Variants in CPAMD8 observed in about 807,000 individuals in gnomAD.
CPAMD8 encodes C3 and PZP like alpha-2-macroglobulin domain containing 8, also known as C3 and PZP-like alpha-2-macroglobulin domain-containing protein 8.
CPAMD8 carries 146 observed loss-of-function variants against 224.7 expected under a neutral mutation model. The observed-to-expected ratio is 0.65, with a 90% CI of 0.57 to 0.75. The LOEUF (loss-of-function observed/expected upper bound fraction) is 0.75, where lower values mean the gene tolerates loss of function less well. Among genes scored for constraint, CPAMD8 ranks in the 30% least tolerant of loss-of-function variants. The probability of loss-of-function intolerance (pLI) is 0.00; values close to 1 mark genes in which losing one functional copy is unlikely to be tolerated. For synonymous variants in CPAMD8, 966 were observed against 1,044.6 expected, an observed-to-expected ratio of 0.92 and a Z score of 1.45; for missense variants, 2,301 against 2,537.5, an observed-to-expected ratio of 0.91 and a Z score of 2.00.
chr19:16,932,685 A>G (rs771607274), intron 23 of CPAMD8, among the ~76,000 whole-genome samples: 10 of 152,218 alleles, frequency 6.6e-5, no homozygotes, highest in African/African-American at 1.2e-4. Context: ...CAAAGCCAAC[A>G]TGACAAATGG....
chr19:16,907,127 G>A lies in CPAMD8; in HGVS notation c.3862-10C>T, dbSNP rs773582531. ...TGGAGCCTCTCTCCTCCTGCAGGGT[G>A]GGGTGGGAAGGTGAAACCTGGGAGG... On this transcript the variant is annotated splice_polypyrimidine_tract_variant and intron_variant, in intron 29 of 41. Coordinates refer to ENST00000443236, the MANE Select transcript of CPAMD8 (RefSeq NM_015692.5). The A allele has an allele frequency of 9.1e-6, 14 of 1,535,440 alleles. No homozygotes were observed. Among genetic ancestry groups the A allele is most frequent in the South Asian group, 1.3e-5 (1 of 77,338 alleles).
intron 3 of CPAMD8, among the ~76,000 whole-genome samples, chr19:17,013,142 T>C (rs1189723289): frequency 2.0e-5 from 3 of 150,804 alleles, no homozygotes; most frequent in African/African-American, 4.9e-5. Flanking sequence ...GATCGCAACA[T>C]TGCACTCCAA....
rs1425635693 is a variant in CPAMD8 at position 16,897,992 on chromosome 19, G to T, written c.4851C>A (p.Ile1617=). 2 of 1,609,088 alleles carry T rather than the reference G, an allele frequency of 1.2e-6. No homozygotes were observed. Among genetic ancestry groups the T allele is most frequent in the East Asian group, 2.2e-5 (1 of 44,724 alleles). Reference sequence around the variant, plus strand: ...GCACGCACGTCAGGCACCGGCTGGGGATCTGTGGGGCAGCGGCGGGCGCAG... The same window carrying T: ...GCACGCACGTCAGGCACCGGCTGGGTATCTGTGGGGCAGCGGCGGGCGCAG... ...GRRVLFYFDE[I]PSRCLTCVRF... Residue 1617 remains isoleucine, a splice_region_variant and synonymous_variant, in exon 38 of 42, where the codon ATC becomes ATA. Transcript: ENST00000443236.
At chr19:16,955,459 T>C (rs952614593) in intron 19 of CPAMD8, among the ~76,000 whole-genome samples, 3 of 152,124 alleles carry the variant, frequency 2.0e-5, no homozygotes, top group Non-Finnish European at 4.4e-5. Context: ...AAAGGGTTGT[T>C]ACCAAAGGCT....
At chr19:16,961,253 T>C (rs113256239) in intron 18 of CPAMD8, among the ~76,000 whole-genome samples, 5,406 of 152,298 alleles carry the variant, frequency 0.035, 163 homozygotes, top group African/African-American at 0.081. Flanking sequence ...GGATTTCCCT[T>C]TCCTAGCCAA....
At chr19:16,955,156 A>G (rs780454316) in intron 19 of CPAMD8, among the ~76,000 whole-genome samples, 1 of 152,060 alleles carries the variant, frequency 6.6e-6, no homozygotes, top group Non-Finnish European at 1.5e-5. Flanking sequence ...ATAGCTGGGC[A>G]TGGTGGCGCA....
chr19:16,932,534 A>G (rs574816865), intron 23 of CPAMD8, among the ~76,000 whole-genome samples: 2 of 151,872 alleles, frequency 1.3e-5, no homozygotes, highest in South Asian at 2.1e-4. Flanking sequence ...ACAAATTCTG[A>G]AACTGAAGAA....
chr19:17,009,314 C>T lies in CPAMD8; in HGVS notation c.493G>A (p.Ala165Thr). 6.2e-7 allele frequency: 1 copy of T among 1,614,138 alleles called. No individual in the cohort carries two copies. The highest frequency in any genetic ancestry group is 1.1e-5 in the South Asian group (1 of 91,086). ...CAGAGGCCACTCACCAGGATGTAGG[C>T]TTCCAGCTGTAATGAAGACACAGAT... is the stretch of plus-strand genomic sequence containing the variant. ...NLRPVNEKLE[A>T]YILDPRGSRM... Residue 165 changes from alanine to threonine, a missense_variant, in exon 6 of 42, where the codon GCC becomes ACC. Physicochemically the swap from Ala to Thr is moderately conservative, Grantham distance 58 (BLOSUM62 0). This residue lies in a region of CPAMD8 where 283 missense variants were observed against 340.6 expected (regional missense o/e 0.83). Coordinates refer to ENST00000443236, the MANE Select transcript of CPAMD8 (RefSeq NM_015692.5).
chr19:16,987,052 G>A (rs1203773329), intron 13 of CPAMD8, among the ~76,000 whole-genome samples: 4 of 148,916 alleles, frequency 2.7e-5, no homozygotes, highest in East Asian at 2.0e-4. Flanking sequence ...CCAGCTACTC[G>A]GGAGGCTGAG....
intron 19 of CPAMD8, among the ~76,000 whole-genome samples, chr19:16,953,753 A>AAT (rs372800116): frequency 1.1e-3 from 162 of 152,228 alleles, no homozygotes; most frequent in African/African-American, 3.8e-3. Context: ...TAATATCCAG[A>AAT]ATATATAGAG....
At chr19:16,920,406 G>A (rs942036382) in intron 27 of CPAMD8, among the ~76,000 whole-genome samples, 22 of 152,324 alleles carry the variant, frequency 1.4e-4, no homozygotes, top group African/African-American at 5.1e-4. Flanking sequence ...CGTGAACCCA[G>A]GGGGCGGAGC....
intron 18 of CPAMD8, among the ~76,000 whole-genome samples, chr19:16,969,576 G>C (rs188027106): frequency 0.014 from 2,003 of 145,334 alleles, 21 homozygotes; most frequent in Non-Finnish European, 0.022. Context: ...ATGGGATTAG[G>C]GCCCTTATAA....
In CPAMD8 at chr19:16,904,517, C is replaced by T. The variant is rs755070021; in HGVS notation, c.4063G>A (p.Asp1355Asn). 1.9e-6 allele frequency: 3 copies of T among 1,613,974 alleles called. No individual in the cohort carries two copies. The highest frequency in any genetic ancestry group is 2.5e-6 in the Non-Finnish European group (3 of 1,179,964). The change falls in exon 31 of 42, where the codon GAC (aspartate) becomes AAC (asparagine). Residue 1355 changes from aspartate to asparagine, a missense_variant. Around this residue, in one of 4 missense-constraint regions of CPAMD8, gnomAD observed 1,709 missense variants for 1,753.2 expected, o/e 0.97. Coordinates refer to ENST00000443236, the MANE Select transcript of CPAMD8 (RefSeq NM_015692.5). ...CTCAAGAATGTGCCCTTGTCCACGT[C>T]CCAGGAATTTGACAGGCTCCAGTGG... ...VTHWSLSNSW[D>N]VDKGTFLSFS...
In CPAMD8 at chr19:17,007,411, A is replaced by C. The variant is rs139203781; in HGVS notation, c.559+1094T>G. ...AGAAGAAGGAGGAAGGAGGAAGAAG[A>C]AGCAGGAGGAGAGGGGGAGGAGGAG... is the stretch of plus-strand genomic sequence containing the variant. On this transcript the variant is annotated intron_variant, in intron 7 of 41. Transcript: ENST00000443236. Among the ~76,000 whole-genome samples the C allele has an allele frequency of 2.5e-3, 376 of 151,828 alleles. 6 individuals carry two copies. The East Asian group carries it at 0.056, about 23-fold the overall frequency.
chr19:16,919,641 C>T (rs1417778896), intron 27 of CPAMD8, among the ~76,000 whole-genome samples: 1 of 152,252 alleles, frequency 6.6e-6, no homozygotes, highest in South Asian at 2.1e-4. Flanking sequence ...ACTTGTTACA[C>T]AGCAGTGGAT....
In CPAMD8 at chr19:17,002,513, G is replaced by A; in HGVS notation, c.674-163C>T. 7 of 520,436 alleles carry A rather than the reference G, an allele frequency of 1.3e-5. No individual in the cohort carries two copies. In the South Asian group the frequency reaches 1.8e-4, roughly 13 times the overall value. The allele number at this position is 520,436 out of a possible 1,614,324, so 32.2% of individuals were successfully genotyped here. On this transcript the variant is annotated intron_variant, in intron 8 of 41. Transcript: ENST00000443236. ...TCTGCTGAGCAGCCCTGGGGATTTT[G>A]TGGGCTGCATCTATTTCTCATCTTT...
intron 18 of CPAMD8, among the ~76,000 whole-genome samples, chr19:16,964,619 G>A (rs1047890509): frequency 6.6e-6 from 1 of 152,110 alleles, no homozygotes; most frequent in Non-Finnish European, 1.5e-5. Context: ...GTACAAAGAG[G>A]AGCTGATACC....
rs561371135 is a variant in CPAMD8, at chr19:16,941,524, A to G, written c.2794-3078T>C. Among the ~76,000 whole-genome samples the G allele has an allele frequency of 4.3e-4, 65 of 152,282 alleles. No homozygotes were observed. The South Asian group carries it at 8.1e-3, about 19-fold the overall frequency. The stretch of plus-strand genomic sequence containing the variant: ...ATCCATTCTGTTGGTGGTGAGTGAT[A>G]TGGTTTGGATTTGTGTTCCCACCCA... On this transcript the variant is annotated intron_variant, in intron 22 of 41. Coordinates refer to ENST00000443236, the MANE Select transcript of CPAMD8 (RefSeq NM_015692.5).
At chr19:17,003,436 G>A (rs747263816) in intron 8 of CPAMD8, among the ~76,000 whole-genome samples, 2 of 151,370 alleles carry the variant, frequency 1.3e-5, no homozygotes, top group African/African-American at 4.9e-5. Context: ...GGCCTCAAGC[G>A]ATCCTCCAGC....
Sources: allele counts gnomAD v4.1 joint callset (sites outside exome capture counted in the v4.1 genomes callset), GRCh38; gene constraint gnomAD v4.1.1; regional missense constraint gnomAD v4.1.1; transcripts MANE v1.5; gene names NCBI Gene and HGNC (gene_info 2026-07-23, HGNC 2026-07-21).